The following CACNA1C variants were observed in gnomAD, a reference collection of about 807,000 sequenced individuals.
CACNA1C encodes the protein voltage-dependent L-type calcium channel subunit alpha-1C.
A neutral mutation model predicts 229.0 loss-of-function variants in CACNA1C; 30 were observed. The observed-to-expected ratio is 0.13, with a 90% CI of 0.10 to 0.18. CACNA1C has a LOEUF of 0.18. Among genes scored for constraint, CACNA1C ranks in the 10% least tolerant of loss-of-function variants. The pLI, the probability that CACNA1C is intolerant of heterozygous loss-of-function variation, is 1.00. For synonymous variants in CACNA1C, 1,114 were observed against 1,132.5 expected (o/e 0.98, Z 0.33); for missense variants, 1,658 against 2,845.0 (o/e 0.58, Z 9.49).
intron 1 of CACNA1C, among the ~76,000 whole-genome samples, chr12:2,061,783 C>T (rs1201473388): frequency 1.3e-5 from 2 of 152,224 alleles, no homozygotes; most frequent in African/African-American, 2.4e-5. Flanking sequence ...CACTTTTGAA[C>T]GTGAATTCCC....
intron 3 of CACNA1C, among the ~76,000 whole-genome samples, chr12:2,244,213 A>G (rs544826964): frequency 3.0e-4 from 46 of 152,354 alleles, no homozygotes; most frequent in Non-Finnish European, 5.7e-4. Context: ...TTTCAGCTAC[A>G]GCCTTCATTA....
chr12:2,666,866 A>AACAT lies in CACNA1C; in HGVS notation c.4623+87_4623+90dup, dbSNP rs2153713987. 1.2e-6 allele frequency: 1 copy of AACAT among 814,990 alleles called. No homozygotes were observed. The highest frequency in any genetic ancestry group is 1.4e-5 in the South Asian group (1 of 69,270). 50.5% of individuals were successfully genotyped at this position (814,990 alleles called of 1,614,324 possible). On this transcript the variant is annotated intron_variant, in intron 37 of 46. Coordinates refer to ENST00000399655, the MANE Select transcript of CACNA1C (RefSeq NM_000719.7). This position sits in a 1 kb window ranked among gnomAD's most constrained non-coding sequence, Gnocchi z 5.3. ...TTTCTTGTGATCCTTTAAGGGAATGAACATACTAGTTTATGTGCCTAAAGA... is the reference window on the plus strand; with the variant it reads ...TTTCTTGTGATCCTTTAAGGGAATGAACATACATACTAGTTTATGTGCCTAAAGA...
intron 3 of CACNA1C, among the ~76,000 whole-genome samples, chr12:2,207,319 G>T (rs985640081): frequency 1.3e-5 from 2 of 152,242 alleles, no homozygotes; most frequent in East Asian, 3.9e-4. Context: ...GTCAGCTGAC[G>T]GGCTTCTGCA....
intron 1 of CACNA1C, among the ~76,000 whole-genome samples, chr12:2,003,981 T>A (rs2429123): frequency 6.6e-6 from 1 of 151,956 alleles, no homozygotes; most frequent in Non-Finnish European, 1.5e-5. Flanking sequence ...GGCCATAAGG[T>A]ATCAGGTCCT....
Position 2,685,774 on chromosome 12 carries a change from T to A in CACNA1C, c.5612T>A (p.Leu1871His). 6.2e-7 allele frequency: 1 copy of A among 1,613,680 alleles called. No individual in the cohort carries two copies. Residue 1871 changes from leucine (L) to histidine (H), a missense_variant, in exon 44 of 47, where the codon CTC becomes CAC. This residue lies in a region of CACNA1C where 590 missense variants were observed against 700.8 expected (regional missense o/e 0.84). Transcript: ENST00000399655. ...GATGACGAAAATCGGCAACTGACGC[T>A]CCCAGAGGAGGACAAGAGGGACATC... ...YQDDENRQLT[L>H]PEEDKRDIRQ...
intron 3 of CACNA1C, among the ~76,000 whole-genome samples, chr12:2,293,705 C>A (rs538835273): frequency 1.3e-5 from 2 of 152,330 alleles, no homozygotes; most frequent in African/African-American, 4.8e-5. Flanking sequence ...CACAGTTTGA[C>A]CTTTAGAGTA....
At chr12:2,062,973 C>G (rs1029864113) in intron 1 of CACNA1C, among the ~76,000 whole-genome samples, 1 of 151,934 alleles carries the variant, frequency 6.6e-6, no homozygotes, top group African/African-American at 2.4e-5. Flanking sequence ...TAAAATTTAC[C>G]CTTTTGATGT....
At chr12:2,025,510 T>G (rs1307702125) in intron 1 of CACNA1C, among the ~76,000 whole-genome samples, 2 of 152,134 alleles carry the variant, frequency 1.3e-5, no homozygotes, top group Admixed American at 1.3e-4. Context: ...ACTCTAAGCC[T>G]CCAAAATGGT....
rs116756487 is a variant in CACNA1C at position 2,465,427 on chromosome 12, G to A, written c.757+7721G>A. On this transcript the variant is annotated intron_variant, in intron 5 of 46. Transcript: ENST00000399655. ...GGACATACCGGAGATAAGCCCTGAGGTTTATGTGGAACAGGCAGGGATGGG... is the reference window on the plus strand; with the variant it reads ...GGACATACCGGAGATAAGCCCTGAGATTTATGTGGAACAGGCAGGGATGGG... 7.5e-3 allele frequency among the ~76,000 whole-genome samples: 1,138 copies of A among 152,262 alleles called. 17 individuals are homozygous for A. Among genetic ancestry groups the A allele is most frequent in the African/African-American group, 0.026 (1,088 of 41,538 alleles).
intron 3 of CACNA1C, among the ~76,000 whole-genome samples, chr12:2,231,721 A>G (rs1216635968): frequency 6.6e-6 from 1 of 152,138 alleles, no homozygotes; most frequent in Non-Finnish European, 1.5e-5. Context: ...TTCGCTAGGC[A>G]TGAACAACAG....
intron 22 of CACNA1C, among the ~76,000 whole-genome samples, chr12:2,604,376 C>G (rs1261043094): frequency 6.6e-6 from 1 of 152,134 alleles, no homozygotes; most frequent in East Asian, 1.9e-4. Context: ...CGAAGCCCAT[C>G]CTTCCTTGGA....
At chr12:1,998,085 T>C (rs2041361599) in intron 1 of CACNA1C, 7 of 838,168 alleles carry the variant, frequency 8.4e-6, no homozygotes, top group Non-Finnish European at 1.3e-5. Context: ...ATGGGCCAAA[T>C]ATACCCAACA....
intron 3 of CACNA1C, among the ~76,000 whole-genome samples, chr12:2,444,019 A>T (rs1469609229): frequency 6.6e-6 from 1 of 152,186 alleles, no homozygotes; most frequent in Non-Finnish European, 1.5e-5. Flanking sequence ...ACGTTTCAAC[A>T]ATAGGCAGCT....
chr12:2,565,360 G>A (rs974064461), intron 11 of CACNA1C, among the ~76,000 whole-genome samples: 13 of 151,816 alleles, frequency 8.6e-5, no homozygotes, highest in Admixed American at 2.6e-4. Flanking sequence ...CCAGCTACTC[G>A]GGAGGCTGAG....
chr12:2,270,683 C>T (rs1177714163), intron 3 of CACNA1C, among the ~76,000 whole-genome samples: 2 of 152,144 alleles, frequency 1.3e-5, no homozygotes, highest in Non-Finnish European at 2.9e-5. Flanking sequence ...CATTGGACTC[C>T]CTTTCTGGTT....
chr12:2,303,563 G>A (rs1043219954), intron 3 of CACNA1C, among the ~76,000 whole-genome samples: 6 of 152,078 alleles, frequency 3.9e-5, no homozygotes, highest in South Asian at 2.1e-4. Context: ...CCAGGAGTTC[G>A]CGACCAGCCC....
intron 3 of CACNA1C, among the ~76,000 whole-genome samples, chr12:2,160,328 G>C (rs2095790729): frequency 6.6e-6 from 1 of 152,172 alleles, no homozygotes; most frequent in Admixed American, 6.5e-5. Flanking sequence ...CTCAGTGGCT[G>C]AATAAACATG....
intron 1 of CACNA1C, among the ~76,000 whole-genome samples, chr12:2,068,333 G>A (rs2060123332): frequency 6.6e-6 from 1 of 152,168 alleles, no homozygotes; most frequent in Non-Finnish European, 1.5e-5. Context: ...CTGGTTGGGA[G>A]GGGTCTGGTG....
At chr12:2,534,231 G>A (rs2154586230) in intron 9 of CACNA1C, among the ~76,000 whole-genome samples, 1 of 152,326 alleles carries the variant, frequency 6.6e-6, no homozygotes, top group East Asian at 1.9e-4. Flanking sequence ...GGAACCGTGT[G>A]TGGCATATTC....
Sources: allele counts gnomAD v4.1 joint callset (sites outside exome capture counted in the v4.1 genomes callset), GRCh38; gene constraint gnomAD v4.1.1; regional missense constraint gnomAD v4.1.1; non-coding constraint Gnocchi (gnomAD v3.1); transcripts MANE v1.5; gene names NCBI Gene and HGNC (gene_info 2026-07-23, HGNC 2026-07-21).